Variants in SYNE3 observed in about 807,000 individuals in gnomAD.
SYNE3 encodes the protein spectrin repeat containing nuclear envelope family member 3.
SYNE3 carries 100 observed loss-of-function variants against 111.2 expected under a neutral mutation model. That is an observed-to-expected ratio of 0.90 (90% confidence interval 0.77 to 1.06). The LOEUF (loss-of-function observed/expected upper bound fraction) is 1.06. SYNE3 is among the 50% of genes least tolerant of loss of function. SYNE3 has a pLI of 0.00. For missense variants in SYNE3, 1,160 were observed against 1,240.3 expected (o/e 0.94, Z 0.97); for synonymous variants, 547 against 533.9 (o/e 1.02, Z -0.34).
intron 17 of SYNE3, among the ~76,000 whole-genome samples, chr14:95,429,119 C>T (rs1024712073): frequency 5.3e-5 from 8 of 152,230 alleles, no homozygotes; most frequent in African/African-American, 1.2e-4. Context: ...TGAAGAATCA[C>T]GCACACACCA....
Position 95,475,739 on chromosome 14 carries a change from T to A in SYNE3, c.83A>T (p.Gln28Leu). Residue 28 changes from glutamine (Q) to leucine (L), a missense_variant, in exon 2 of 18, where the codon CAG becomes CTG. Transcript: ENST00000682763. ...AWMKAVQDQLQVNDNTQGPRA... is the reference protein window; with the variant it reads ...AWMKAVQDQLLVNDNTQGPRA... ...GGGTCCCTGCGTGTTGTCATTGACC[T>A]GCAGCTGGTCCTGCACAGCCTTCAT... 6.2e-7 allele frequency: 1 copy of A among 1,607,870 alleles called. No individual in the cohort carries two copies. Among genetic ancestry groups the A allele is most frequent in the Non-Finnish European group, 8.5e-7 (1 of 1,177,558 alleles).
chr14:95,462,379 G>C (rs996872997), intron 4 of SYNE3, among the ~76,000 whole-genome samples: 20 of 152,202 alleles, frequency 1.3e-4, no homozygotes, highest in Non-Finnish European at 2.9e-5. Context: ...ATGGCCTTCA[G>C]CCAACAGCTG....
At position 95,433,310 on chromosome 14, in the gene SYNE3, A is replaced by G. The variant is rs569529532; in HGVS notation, c.2638T>C (p.Tyr880His). Residue 880 changes from tyrosine (Y) to histidine (H), a missense_variant, in exon 16 of 18, where the codon TAC becomes CAC. Physicochemically the swap from Tyr to His is moderately conservative, Grantham distance 83. Transcript: ENST00000682763. Reference protein sequence around the residue: ...GTSDELEDLRYQWMLYKSKLK... With the variant: ...GTSDELEDLRHQWMLYKSKLK... ...TTGGACTTGTACAGCATCCACTGGT[A>G]GCGCAGATCTTCCAGCTCATCCGAG... 17 of 1,614,148 alleles carry G rather than the reference A, an allele frequency of 1.1e-5. No individual in the cohort carries two copies. In the South Asian group the frequency reaches 1.6e-4, roughly 16 times the overall value.
chr14:95,446,208 G>A (rs997294295), intron 8 of SYNE3, 117 bp from the exon 9 acceptor site: 4 of 1,243,030 alleles, frequency 3.2e-6, no homozygotes, highest in Non-Finnish European at 2.2e-6. Context: ...TTGTGCAGGT[G>A]TCTGAGGAAG....
At chr14:95,445,823 T>A in intron 9 of SYNE3, 86 bp downstream of exon 9, 1 of 1,465,510 alleles carries the variant, frequency 6.8e-7, no homozygotes, top group South Asian at 1.2e-5. Context: ...GAGCTGAGTT[T>A]AGAACATAAG....
chr14:95,460,404 A>G (rs990822806), intron 4 of SYNE3, among the ~76,000 whole-genome samples: 2 of 145,090 alleles, frequency 1.4e-5, no homozygotes, highest in African/African-American at 5.2e-5. Context: ...TATTTTTAGA[A>G]GAGACGGGGT....
intron 1 of SYNE3, among the ~76,000 whole-genome samples, chr14:95,512,467 T>C (rs1890755325): frequency 6.6e-6 from 1 of 152,038 alleles, no homozygotes; most frequent in Non-Finnish European, 1.5e-5. Context: ...GGCAGAACAA[T>C]GGCTTGAACC....
intron 1 of SYNE3, chr14:95,516,074 T>C (rs1890914115): frequency 6.6e-6 from 1 of 152,334 alleles, no homozygotes; most frequent in African/African-American, 2.4e-5. Context: ...CAAGTTTGCA[T>C]AGCCAAAAGG....
At chr14:95,418,538 G>A (rs867136341) in intron 17 of SYNE3, among the ~76,000 whole-genome samples, 9 of 151,980 alleles carry the variant, frequency 5.9e-5, no homozygotes, top group African/African-American at 1.9e-4. Flanking sequence ...ATTTATCATC[G>A]TCACTTTCTT....
rs543114989 is a variant in SYNE3 at position 95,452,312 on chromosome 14, G to T, written c.1209C>A (p.Ile403=). ...DRLQAQLKEL[I]VFPHNLKPLS... ...GTGGCTTCAGGTTGTGAGGGAAGACGATGAGCTCCTTCAGCTGGGCTTGCA... is the reference window on the plus strand; with the variant it reads ...GTGGCTTCAGGTTGTGAGGGAAGACTATGAGCTCCTTCAGCTGGGCTTGCA... The change falls in exon 7 of 18, where the codon ATC becomes ATA. Residue 403 remains isoleucine (I), a synonymous_variant. Coordinates refer to ENST00000682763, the MANE Select transcript of SYNE3 (RefSeq NM_152592.6). 4 of 1,614,032 alleles carry T rather than the reference G, an allele frequency of 2.5e-6. No homozygotes were observed. In the African/African-American group the frequency reaches 5.3e-5, roughly 22 times the overall value.
intron 1 of SYNE3, among the ~76,000 whole-genome samples, chr14:95,515,983 G>GTC (rs1890908611): frequency 1.3e-5 from 2 of 152,240 alleles, no homozygotes; most frequent in Non-Finnish European, 2.9e-5. Context: ...GGCTCTCTCA[G>GTC]GCCCTGCAAG....
intron 8 of SYNE3, chr14:95,449,464 AGCCATGCTGGG>A: frequency 1.0e-6 from 1 of 985,468 alleles, no homozygotes; most frequent in Non-Finnish European, 1.2e-6. Flanking sequence ...GAGCCGGAGC[AGCCATGCTGGG>A]GCCATGAGGC....
chr14:95,458,331 C>T (rs1887590398), intron 4 of SYNE3, among the ~76,000 whole-genome samples: 1 of 152,174 alleles, frequency 6.6e-6, no homozygotes, highest in African/African-American at 2.4e-5. Flanking sequence ...ACCTTGGCCC[C>T]ACCTTGGGTA....
chr14:95,497,115 G>A (rs1426194385), intron 1 of SYNE3, among the ~76,000 whole-genome samples: 1 of 152,244 alleles, frequency 6.6e-6, no homozygotes, highest in Non-Finnish European at 1.5e-5. Context: ...GGGCCTGGCA[G>A]GGCTCACTCC....
chr14:95,489,280 C>G (rs1889718270), intron 1 of SYNE3, among the ~76,000 whole-genome samples: 1 of 152,230 alleles, frequency 6.6e-6, no homozygotes, highest in Non-Finnish European at 1.5e-5. Flanking sequence ...TCTCTCCCAT[C>G]TCCTACAGGT....
chr14:95,489,118 G>A (rs946777162), intron 1 of SYNE3, among the ~76,000 whole-genome samples: 3 of 152,210 alleles, frequency 2.0e-5, no homozygotes, highest in Non-Finnish European at 4.4e-5. Flanking sequence ...AATTCTCAGG[G>A]TGCTGCCAGC....
intron 17 of SYNE3, 131 bp from the exon 18 acceptor site, chr14:95,418,157 G>C: frequency 1.1e-6 from 1 of 911,834 alleles, no homozygotes; most frequent in Non-Finnish European, 1.7e-6. Flanking sequence ...ACATCTCCAG[G>C]TTCTCATCTG....
At chr14:95,475,252 C>G (rs904483614) in intron 2 of SYNE3, among the ~76,000 whole-genome samples, 3 of 152,200 alleles carry the variant, frequency 2.0e-5, no homozygotes, top group Non-Finnish European at 4.4e-5. Flanking sequence ...GCCCCTTCCC[C>G]GCTCCTCTGG....
At chr14:95,446,152 C>A in intron 8 of SYNE3, 61 bp from the exon 9 acceptor site, 1 of 1,585,764 alleles carries the variant, frequency 6.3e-7, no homozygotes, top group Non-Finnish European at 8.6e-7. Flanking sequence ...AGAAACAGAG[C>A]CAGGGGCACA....
Sources: gnomAD v4.1 joint callset for allele counts (sites outside exome capture counted in the v4.1 genomes callset) on GRCh38, gnomAD v4.1.1 for gene constraint, MANE v1.5 for transcripts, NCBI Gene and HGNC (gene_info 2026-07-23, HGNC 2026-07-21) for gene names.